PHACTR3: variants seen among roughly 807,000 people sequenced by gnomAD.
PHACTR3 encodes the protein phosphatase and actin regulator 3, also known as protein phosphatase 1, regulatory subunit 123.
In PHACTR3, 16 loss-of-function variants were observed where a neutral mutation model predicts 66.8. The ratio of observed to expected loss-of-function variants is 0.24; its 90% CI spans 0.16 to 0.36. PHACTR3 has a LOEUF of 0.36. Among genes scored for constraint, PHACTR3 ranks in the 10% least tolerant of loss-of-function variants. The pLI, the probability that PHACTR3 is intolerant of heterozygous loss-of-function variation, is 1.00. For synonymous variants in PHACTR3, 323 were observed against 292.1 expected (o/e 1.11, Z -1.08); for missense variants, 647 against 719.9 (o/e 0.90, Z 1.16).
chr20:59,785,891 CCAACGG>C (rs1427781702), intron 7 of PHACTR3, among the ~76,000 whole-genome samples: 7 of 32,588 alleles, frequency 2.1e-4, no homozygotes, highest in East Asian at 1.8e-3. Flanking sequence ...ATTTTGTTTT[CCAACGG>C]CCCTCTGCAT....
intron 1 of PHACTR3, among the ~76,000 whole-genome samples, chr20:59,683,817 C>A (rs1435604962): frequency 2.0e-5 from 3 of 152,120 alleles, no homozygotes; most frequent in Non-Finnish European, 4.4e-5. Context: ...GTCCACGAAT[C>A]CCTTAAAGTC....
intron 12 of PHACTR3, among the ~76,000 whole-genome samples, chr20:59,846,581 CATT>C (rs1426944841): frequency 1.3e-5 from 2 of 150,806 alleles, no homozygotes; most frequent in African/African-American, 5.0e-5. Flanking sequence ...TCCGATTATA[CATT>C]ATTAAATGTT....
intron 4 of PHACTR3, among the ~76,000 whole-genome samples, chr20:59,760,191 CAG>C (rs917378327): frequency 6.6e-6 from 1 of 152,144 alleles, no homozygotes; most frequent in Non-Finnish European, 1.5e-5. Flanking sequence ...GTGTGGGTGT[CAG>C]GGGATACATC....
chr20:59,788,987 G>A (rs892406345), intron 7 of PHACTR3, among the ~76,000 whole-genome samples: 7 of 152,320 alleles, frequency 4.6e-5, no homozygotes, highest in Admixed American at 2.0e-4. Context: ...TTCAGAAAAC[G>A]TCAGGCACTT....
intron 8 of PHACTR3, among the ~76,000 whole-genome samples, chr20:59,828,632 G>C (rs747836365): frequency 6.6e-6 from 1 of 152,018 alleles, no homozygotes; most frequent in African/African-American, 2.4e-5. Context: ...CATCTTTGCC[G>C]GACAGGGACA....
intron 8 of PHACTR3, among the ~76,000 whole-genome samples, chr20:59,810,655 C>T (rs931983140): frequency 6.6e-6 from 1 of 152,350 alleles, no homozygotes; most frequent in East Asian, 1.9e-4. Context: ...ATTTTATCTT[C>T]TGAGTGTTCC....
intron 8 of PHACTR3, among the ~76,000 whole-genome samples, chr20:59,817,225 C>T (rs910820642): frequency 2.0e-5 from 3 of 152,318 alleles, no homozygotes; most frequent in Non-Finnish European, 4.4e-5. Context: ...TAGTGTGAGC[C>T]CTCAGGACCT....
rs139427604 is a variant in PHACTR3, at chr20:59,819,875, C to T, written c.1328+13681C>T. Among the ~76,000 whole-genome samples the T allele has an allele frequency of 5.9e-3, 900 of 152,366 alleles. 2 individuals are homozygous for T. The highest frequency in any genetic ancestry group is 9.0e-3 in the Non-Finnish European group (609 of 68,042). On this transcript the variant is annotated intron_variant, in intron 8 of 12. Coordinates refer to ENST00000371015, the MANE Select transcript of PHACTR3 (RefSeq NM_080672.5). The stretch of plus-strand genomic sequence containing the variant: ...CGGTGCTGTACCGGTACTGGCCACA[C>T]GTCAGCTGAGGCATGCAGGGCTCTG...
At chr20:59,654,471 A>G (rs1202899881) in intron 1 of PHACTR3, among the ~76,000 whole-genome samples, 4 of 152,178 alleles carry the variant, frequency 2.6e-5, no homozygotes, top group East Asian at 3.8e-4. Context: ...TCAGGCTGAT[A>G]TAACCTGAAT....
At chr20:59,578,166 A>G (rs1226611859) in intron 1 of PHACTR3, among the ~76,000 whole-genome samples, 1 of 152,212 alleles carries the variant, frequency 6.6e-6, no homozygotes, top group Non-Finnish European at 1.5e-5. Context: ...GCTGCAGTTC[A>G]AGGGATGGGA....
intron 1 of PHACTR3, among the ~76,000 whole-genome samples, chr20:59,690,520 A>G (rs2037071945): frequency 6.6e-6 from 1 of 152,338 alleles, no homozygotes; most frequent in South Asian, 2.1e-4. Context: ...GGCCTTCAGC[A>G]TGGTGCTTCT....
intron 8 of PHACTR3, among the ~76,000 whole-genome samples, chr20:59,827,314 C>T (rs550037006): frequency 3.5e-4 from 54 of 152,242 alleles, no homozygotes; most frequent in Admixed American, 1.2e-3. Flanking sequence ...GAGACCCCTC[C>T]CCACCACCAC....
At chr20:59,813,402 A>G (rs1199809933) in intron 8 of PHACTR3, among the ~76,000 whole-genome samples, 1 of 152,188 alleles carries the variant, frequency 6.6e-6, no homozygotes, top group East Asian at 1.9e-4. Context: ...GAAATTACCT[A>G]CAGGGGGAGG....
At chr20:59,578,326 C>G (rs987109893) in intron 1 of PHACTR3, among the ~76,000 whole-genome samples, 9 of 152,186 alleles carry the variant, frequency 5.9e-5, no homozygotes, top group African/African-American at 2.2e-4. Flanking sequence ...GCATGAGTAC[C>G]AGGTGTCCAG....
chr20:59,674,004 C>T (rs2036284044), intron 1 of PHACTR3, among the ~76,000 whole-genome samples: 1 of 152,132 alleles, frequency 6.6e-6, no homozygotes, highest in East Asian at 1.9e-4. Flanking sequence ...GCGCTGGTCT[C>T]CAGACCTGCC....
intron 7 of PHACTR3, among the ~76,000 whole-genome samples, chr20:59,776,000 G>T (rs1488348641): frequency 4.6e-5 from 7 of 152,210 alleles, no homozygotes; most frequent in African/African-American, 1.7e-4. Flanking sequence ...GACTTGGCCA[G>T]ATGCCCCTGA....
intron 5 of PHACTR3, among the ~76,000 whole-genome samples, 189 bp from the exon 6 acceptor site, chr20:59,773,090 C>A (rs911792913): frequency 1.3e-5 from 2 of 152,204 alleles, no homozygotes; most frequent in African/African-American, 2.4e-5. Flanking sequence ...TGGAGCAGAA[C>A]TGGACAGAGA....
chr20:59,812,597 C>T (rs750243526), intron 8 of PHACTR3, among the ~76,000 whole-genome samples: 35 of 152,220 alleles, frequency 2.3e-4, no homozygotes, highest in Non-Finnish European at 5.0e-4. Context: ...GGCTGCAAGG[C>T]GGAAACCGTG....
chr20:59,638,376 G>GTGGA (rs934562368), intron 1 of PHACTR3, among the ~76,000 whole-genome samples: 28 of 143,980 alleles, frequency 1.9e-4, no homozygotes, highest in Admixed American at 1.4e-3. Context: ...TGGGTTGGTG[G>GTGGA]TGGATGGATG....
Sources: gnomAD v4.1 joint callset for allele counts (sites outside exome capture counted in the v4.1 genomes callset) on GRCh38, gnomAD v4.1.1 for gene constraint, MANE v1.5 for transcripts, NCBI Gene and HGNC (gene_info 2026-07-23, HGNC 2026-07-21) for gene names.